PLXNC1: variants seen among roughly 807,000 people sequenced by gnomAD.
PLXNC1 encodes plexin-C1.
PLXNC1 carries 75 observed loss-of-function variants against 178.2 expected under a neutral mutation model. That is an observed-to-expected ratio of 0.42 (90% CI 0.35 to 0.51). The LOEUF is 0.51. Ranked by LOEUF, PLXNC1 falls within the 20% of genes least tolerant of loss-of-function variation. The probability of loss-of-function intolerance (pLI) is 0.02; values close to 1 mark genes in which losing one functional copy is unlikely to be tolerated. For synonymous variants in PLXNC1, 790 were observed against 779.9 expected (o/e 1.01, Z -0.22); for missense variants, 1,503 against 1,984.4 (o/e 0.76, Z 4.61).
chr12:94,210,223 C>A (rs1592767197), intron 5 of PLXNC1, among the ~76,000 whole-genome samples: 1 of 152,212 alleles, frequency 6.6e-6, no homozygotes, highest in African/African-American at 2.4e-5. Context: ...GTGACCATTG[C>A]AAGTGAGGTC....
chr12:94,224,117 C>A, intron 6 of PLXNC1, 111 bp from the exon 7 acceptor site: 1 of 740,666 alleles, frequency 1.4e-6, no homozygotes. Context: ...CTGGCACGCT[C>A]CTGCCCACTA....
At chr12:94,180,151 G>T (rs918902171) in intron 2 of PLXNC1, among the ~76,000 whole-genome samples, 1 of 152,020 alleles carries the variant, frequency 6.6e-6, no homozygotes, top group Admixed American at 6.6e-5. Flanking sequence ...ACAGTAAAAG[G>T]CAGGCTGTTT....
At chr12:94,283,913 G>A (rs769921014) in intron 23 of PLXNC1, among the ~76,000 whole-genome samples, 1 of 152,002 alleles carries the variant, frequency 6.6e-6, no homozygotes, top group East Asian at 1.9e-4. Context: ...GTAAAACGCT[G>A]TCTCTAAAAA....
chr12:94,259,829 C>A, intron 19 of PLXNC1, 95 bp downstream of exon 19: 1 of 1,050,658 alleles, frequency 9.5e-7, no homozygotes, highest in Non-Finnish European at 1.3e-6. Flanking sequence ...TTTGGGAGGC[C>A]AAGGCAGGCA....
intron 3 of PLXNC1, among the ~76,000 whole-genome samples, chr12:94,183,858 A>C (rs769777148): frequency 2.0e-4 from 31 of 152,190 alleles, no homozygotes; most frequent in Non-Finnish European, 3.4e-4. Flanking sequence ...TGCATTCTTC[A>C]CTGAGGATTA....
chr12:94,195,757 A>T (rs558477630), intron 4 of PLXNC1, among the ~76,000 whole-genome samples: 1 of 152,270 alleles, frequency 6.6e-6, no homozygotes, highest in East Asian at 1.9e-4. Context: ...CGTGAAAGAG[A>T]TCATTTCTCG....
At chr12:94,186,085 A>C (rs2135966766) in intron 3 of PLXNC1, 1 of 271,150 alleles carries the variant, frequency 3.7e-6, no homozygotes, top group Middle Eastern at 1.3e-3. Context: ...GTCTTTAAGA[A>C]AAAAATCTTT....
intron 21 of PLXNC1, among the ~76,000 whole-genome samples, chr12:94,266,677 A>C (rs958298025): frequency 6.6e-6 from 1 of 152,236 alleles, no homozygotes. Flanking sequence ...ATGTTGGGCA[A>C]GTTTCTAAAC....
chr12:94,171,317 G>C (rs914680761), intron 2 of PLXNC1, among the ~76,000 whole-genome samples: 1 of 152,154 alleles, frequency 6.6e-6, no homozygotes, highest in Non-Finnish European at 1.5e-5. Context: ...GTGTGGCCTC[G>C]TTGTTTTTTT....
At position 94,182,417 on chromosome 12, in the gene PLXNC1, CAAAAAAAAAAAAAAAA is replaced by C. The variant is rs10596280; in HGVS notation, c.1338+848_1338+863del. Among the ~76,000 whole-genome samples the C allele has an allele frequency of 4.6e-5, 2 of 43,384 alleles. 1 individual carries two copies. Among genetic ancestry groups the C allele is most frequent in the African/African-American group, 1.8e-4 (2 of 10,962 alleles). The allele number at this position is 43,384 out of a possible 152,430, so 28.5% of individuals were successfully genotyped here. On this transcript the variant is annotated intron_variant, in intron 3 of 30. Coordinates refer to ENST00000258526, the MANE Select transcript of PLXNC1 (RefSeq NM_005761.3). Reference sequence around the variant, plus strand: ...TGGGTGATGGAGCAAGACCCTGTCTCAAAAAAAAAAAAAAAAAAAAAAAAAAGGCTGGGCATGGTGG... The same window carrying C: ...TGGGTGATGGAGCAAGACCCTGTCTCAAAAAAAAAAGGCTGGGCATGGTGG...
intron 21 of PLXNC1, among the ~76,000 whole-genome samples, chr12:94,271,848 G>A (rs1420235927): frequency 1.3e-5 from 2 of 152,122 alleles, no homozygotes; most frequent in Non-Finnish European, 2.9e-5. Flanking sequence ...GTTATTTATT[G>A]ATGATGTGGG....
intron 5 of PLXNC1, among the ~76,000 whole-genome samples, chr12:94,214,059 A>G (rs1455963866): frequency 6.6e-6 from 1 of 150,894 alleles, no homozygotes; most frequent in African/African-American, 2.4e-5. Context: ...TCCTTAAACA[A>G]TATGGTTCCT....
At chr12:94,150,316 C>T (rs1049622188) in intron 1 of PLXNC1, among the ~76,000 whole-genome samples, 2 of 152,234 alleles carry the variant, frequency 1.3e-5, no homozygotes, top group African/African-American at 2.4e-5. Context: ...CATTGCCATC[C>T]TTCCCTGTCC....
rs761200215 is a variant in PLXNC1, at chr12:94,149,216, A to T, written c.245A>T (p.Asp82Val). 6.3e-7 allele frequency: 1 copy of T among 1,585,210 alleles called. No individual in the cohort carries two copies. Among genetic ancestry groups the T allele is most frequent in the South Asian group, 1.1e-5 (1 of 88,312 alleles). Residue 82 changes from aspartate (D) to valine (V), a missense_variant, in exon 1 of 31, where the codon GAC becomes GTC. This residue lies in a region of PLXNC1 where 176 missense variants were observed against 180.7 expected (regional missense o/e 0.97). Transcript: ENST00000258526. ...LEHSLSRLYRDQAGNCTEPVS... is the reference protein window; with the variant it reads ...LEHSLSRLYRVQAGNCTEPVS... ...CACAGCCTCTCGCGCCTGTACCGGG[A>T]CCAAGCGGGCAACTGCACAGAGCCG...
intron 2 of PLXNC1, among the ~76,000 whole-genome samples, chr12:94,179,194 G>A (rs1962211953): frequency 6.6e-6 from 1 of 152,180 alleles, no homozygotes; most frequent in Non-Finnish European, 1.5e-5. Context: ...AGGATATGTG[G>A]GAACAGGCAT....
rs114171216 is a variant in PLXNC1 at position 94,204,469 on chromosome 12, C to G, written c.1440-5121C>G. ...ATCTTTTAATTGTCTCTGTTATTAGCATAATTTTATCATGTAGACTGACTT... is the reference window on the plus strand; with the variant it reads ...ATCTTTTAATTGTCTCTGTTATTAGGATAATTTTATCATGTAGACTGACTT... On this transcript the variant is annotated intron_variant, in intron 4 of 30. Coordinates refer to ENST00000258526, the MANE Select transcript of PLXNC1 (RefSeq NM_005761.3). 7.9e-4 allele frequency among the ~76,000 whole-genome samples: 121 copies of G among 152,322 alleles called. 1 individual carries two copies. Among genetic ancestry groups the G allele is most frequent in the African/African-American group, 2.6e-3 (109 of 41,576 alleles).
chr12:94,240,724 C>A, intron 11 of PLXNC1, 60 bp downstream of exon 11: 1 of 1,267,298 alleles, frequency 7.9e-7, no homozygotes, highest in Non-Finnish European at 1.1e-6. Flanking sequence ...GCCCAAAGAT[C>A]ATTGATTTTA....
intron 2 of PLXNC1, among the ~76,000 whole-genome samples, chr12:94,174,575 TAA>T (rs2135948257): frequency 6.6e-6 from 1 of 152,322 alleles, no homozygotes; most frequent in Non-Finnish European, 1.5e-5. Context: ...CTGTACTGCC[TAA>T]AGAGTCTGCC....
chr12:94,274,944 G>T (rs1470286370), intron 21 of PLXNC1, among the ~76,000 whole-genome samples: 1 of 152,164 alleles, frequency 6.6e-6, no homozygotes, highest in African/African-American at 2.4e-5. Flanking sequence ...CACCTATAAA[G>T]CACTCCTTAA....
Sources: allele counts gnomAD v4.1 joint callset (sites outside exome capture counted in the v4.1 genomes callset), GRCh38; gene constraint gnomAD v4.1.1; regional missense constraint gnomAD v4.1.1; transcripts MANE v1.5; gene names NCBI Gene and HGNC (gene_info 2026-07-23, HGNC 2026-07-21).